CADM2: variants seen among roughly 807,000 people sequenced by gnomAD.
The protein encoded by CADM2 is immunoglobulin superfamily member 4D.
CADM2 carries 12 observed loss-of-function variants against 49.8 expected under a neutral mutation model. That is an observed-to-expected ratio of 0.24 (90% confidence interval 0.15 to 0.39). The LOEUF (loss-of-function observed/expected upper bound fraction) is 0.39, where lower values mean the gene tolerates loss of function less well. Among genes scored for constraint, CADM2 ranks in the 10% least tolerant of loss-of-function variants. The probability of loss-of-function intolerance (pLI) is 1.00; values close to 1 mark genes in which losing one functional copy is unlikely to be tolerated. For missense variants in CADM2, 378 were observed against 492.3 expected, an observed-to-expected ratio of 0.77 and a Z score of 2.20; for synonymous variants, 214 against 175.4, an observed-to-expected ratio of 1.22 and a Z score of -1.74.
chr3:86,045,890 C>G (rs926303642), intron 8 of CADM2, among the ~76,000 whole-genome samples: 1 of 152,238 alleles, frequency 6.6e-6, no homozygotes, highest in Admixed American at 6.5e-5. Flanking sequence ...GTCTCAGGGA[C>G]AGCAGACTCT....
At chr3:85,258,202 T>A (rs746961936) in intron 1 of CADM2, among the ~76,000 whole-genome samples, 20 of 152,186 alleles carry the variant, frequency 1.3e-4, no homozygotes, top group South Asian at 6.2e-4. Context: ...CTGGAGCTTG[T>A]CCCTGCATAG....
intron 1 of CADM2, among the ~76,000 whole-genome samples, chr3:85,226,496 A>G (rs2042164310): frequency 6.6e-6 from 1 of 151,782 alleles, no homozygotes; most frequent in African/African-American, 2.4e-5. Flanking sequence ...TATCGCACCT[A>G]TTTGATTCTT....
chr3:86,066,332 C>CAAAAAAAAAAAAAAAAAAAAAAAAA (rs10663610), intron 9 of CADM2, among the ~76,000 whole-genome samples: 2 of 30,360 alleles, frequency 6.6e-5, no homozygotes, highest in African/African-American at 4.3e-4. Context: ...GACTCCGTCT[C>CAAAAAAAAAAAAAAAAAAAAAAAAA]AAAAAAAAAA....
chr3:85,651,712 A>G (rs190114630), intron 1 of CADM2, among the ~76,000 whole-genome samples: 1 of 152,248 alleles, frequency 6.6e-6, no homozygotes, highest in Admixed American at 6.5e-5. Context: ...TATGTTTCCC[A>G]AACCTCATTA....
At chr3:84,989,289 C>T (rs185459504) in intron 1 of CADM2, among the ~76,000 whole-genome samples, 453 of 152,216 alleles carry the variant, frequency 3.0e-3, no homozygotes, top group African/African-American at 9.7e-3. Flanking sequence ...CCCTTCCTGC[C>T]CTTTGGAACA....
At chr3:85,784,529 TTTA>T (rs2070853894) in intron 2 of CADM2, among the ~76,000 whole-genome samples, 1 of 136,534 alleles carries the variant, frequency 7.3e-6, no homozygotes, top group African/African-American at 2.8e-5. Context: ...TCTAAATATA[TTTA>T]TCTATCTATC....
At chr3:85,679,531 C>T (rs4553985) in intron 1 of CADM2, among the ~76,000 whole-genome samples, 63,964 of 152,026 alleles carry the variant, frequency 0.42, 13,515 homozygotes, top group South Asian at 0.49. Flanking sequence ...ACATAATAGG[C>T]ACACAATAAC....
At chr3:85,092,326 CA>C (rs2037628107) in intron 1 of CADM2, among the ~76,000 whole-genome samples, 1 of 152,068 alleles carries the variant, frequency 6.6e-6, no homozygotes, top group South Asian at 2.1e-4. Flanking sequence ...AGAAGAATAG[CA>C]GACTTATATA....
At chr3:85,680,364 A>C (rs1260426472) in intron 1 of CADM2, among the ~76,000 whole-genome samples, 1 of 152,174 alleles carries the variant, frequency 6.6e-6, no homozygotes, top group East Asian at 1.9e-4. Context: ...TGATCTTGAA[A>C]ATTTCATGAA....
intron 1 of CADM2, among the ~76,000 whole-genome samples, chr3:85,362,599 C>A (rs879483158): frequency 5.3e-5 from 8 of 152,192 alleles, no homozygotes; most frequent in Non-Finnish European, 1.2e-4. Context: ...TTGATAACTT[C>A]TCTATACATT....
chr3:85,295,842 G>C (rs1046807624), intron 1 of CADM2, among the ~76,000 whole-genome samples: 1 of 151,776 alleles, frequency 6.6e-6, no homozygotes, highest in Non-Finnish European at 1.5e-5. Context: ...ACGAGTTAGT[G>C]GGTGCAACAC....
rs986705883 is a variant in CADM2, at chr3:85,271,363, G to C, written c.61+311695G>C. 9.3e-5 allele frequency among the ~76,000 whole-genome samples: 14 copies of C among 151,340 alleles called. No homozygotes were observed. In the Middle Eastern group the frequency reaches 0.01, roughly 110 times the overall value. On this transcript the variant is annotated intron_variant, in intron 1 of 9. Transcript: ENST00000383699. Reference sequence around the variant, plus strand: ...TTATGAAATGATTTATTATCAAAATGCCTTAATATCTTTTAGAACACAGAA... The same window carrying C: ...TTATGAAATGATTTATTATCAAAATCCCTTAATATCTTTTAGAACACAGAA...
intron 7 of CADM2, among the ~76,000 whole-genome samples, chr3:85,942,890 G>A (rs2108559663): frequency 6.6e-6 from 1 of 152,150 alleles, no homozygotes; most frequent in Non-Finnish European, 1.5e-5. Context: ...TCCAGTTCTA[G>A]ATCCCTGAGG....
intron 3 of CADM2, among the ~76,000 whole-genome samples, chr3:85,876,814 G>T (rs1405548408): frequency 6.6e-6 from 1 of 151,936 alleles, no homozygotes; most frequent in African/African-American, 2.4e-5. Context: ...AAGTTAATTT[G>T]GTCTAAAACT....
At chr3:85,966,205 T>C (rs747985315) in intron 8 of CADM2, among the ~76,000 whole-genome samples, 1 of 151,650 alleles carries the variant, frequency 6.6e-6, no homozygotes, top group Non-Finnish European at 1.5e-5. Context: ...AACTAATTTC[T>C]CCTTCTGCCA....
chr3:85,983,079 T>G (rs1577859464), intron 8 of CADM2, among the ~76,000 whole-genome samples: 2 of 151,714 alleles, frequency 1.3e-5, no homozygotes, highest in African/African-American at 2.4e-5. Context: ...TATTGCTGGA[T>G]TTTTCATCCT....
intron 6 of CADM2, among the ~76,000 whole-genome samples, chr3:85,927,976 G>A (rs1432764968): frequency 6.6e-6 from 1 of 152,000 alleles, no homozygotes; most frequent in Non-Finnish European, 1.5e-5. Context: ...TTCATAAGGT[G>A]GTTTAATAGA....
chr3:86,039,503 C>G (rs13323149), intron 8 of CADM2, among the ~76,000 whole-genome samples: 42,931 of 152,014 alleles, frequency 0.28, 7,284 homozygotes, highest in African/African-American at 0.48. Flanking sequence ...AGCAGTCTGA[C>G]ATCAAACTGC....
intron 2 of CADM2, among the ~76,000 whole-genome samples, chr3:85,794,080 G>GATCACC (rs1451418263): frequency 7.9e-5 from 12 of 152,056 alleles, no homozygotes; most frequent in Non-Finnish European, 5.9e-5. Flanking sequence ...ATCTGTTCTG[G>GATCACC]ATCACCATCT....
Sources: allele counts gnomAD v4.1 joint callset (sites outside exome capture counted in the v4.1 genomes callset), GRCh38; gene constraint gnomAD v4.1.1; transcripts MANE v1.5; gene names NCBI Gene and HGNC (gene_info 2026-07-23, HGNC 2026-07-21).